RUNDC3B: variants seen among roughly 807,000 people sequenced by gnomAD.
The protein encoded by RUNDC3B is RUN domain-containing protein 3B.
A neutral mutation model predicts 58.4 loss-of-function variants in RUNDC3B; 33 were observed. The ratio of observed to expected loss-of-function variants is 0.56; its 90% CI spans 0.43 to 0.75. The LOEUF (loss-of-function observed/expected upper bound fraction) is 0.75. Ranked by LOEUF, RUNDC3B falls within the 30% of genes least tolerant of loss-of-function variation. The pLI is 0.00. For missense variants in RUNDC3B, 501 were observed against 535.7 expected (o/e 0.94, Z 0.64); for synonymous variants, 193 against 195.2 (o/e 0.99, Z 0.10).
intron 8 of RUNDC3B, among the ~76,000 whole-genome samples, chr7:87,781,392 G>A (rs965115673): frequency 9.2e-5 from 14 of 151,732 alleles, no homozygotes; most frequent in Admixed American, 3.9e-4. Context: ...GCTGGTGGCC[G>A]TCAAGGTTTT....
At chr7:87,688,114 C>G (rs1827652970) in intron 2 of RUNDC3B, among the ~76,000 whole-genome samples, 1 of 152,198 alleles carries the variant, frequency 6.6e-6, no homozygotes, top group Non-Finnish European at 1.5e-5. Flanking sequence ...AGAGGCCACT[C>G]TGAGAAACAC....
chr7:87,640,544 T>G (rs1356052528), intron 1 of RUNDC3B, among the ~76,000 whole-genome samples: 2 of 152,078 alleles, frequency 1.3e-5, no homozygotes, highest in Non-Finnish European at 2.9e-5. Context: ...AGGATCTGGC[T>G]ATGTTGCCCA....
chr7:87,703,794 TTTAC>T (rs1216800015), intron 3 of RUNDC3B, among the ~76,000 whole-genome samples: 1 of 149,004 alleles, frequency 6.7e-6, no homozygotes, highest in Non-Finnish European at 1.5e-5. Context: ...TTTTAATTCA[TTTAC>T]TTACTTTTTA....
At chr7:87,697,946 A>G (rs1585131265) in intron 2 of RUNDC3B, among the ~76,000 whole-genome samples, 1 of 152,168 alleles carries the variant, frequency 6.6e-6, no homozygotes, top group East Asian at 1.9e-4. Flanking sequence ...GATGACATGA[A>G]AAGTGCCCTA....
chr7:87,758,370 A>G (rs1353604671), intron 6 of RUNDC3B, among the ~76,000 whole-genome samples: 1 of 152,056 alleles, frequency 6.6e-6, no homozygotes, highest in Non-Finnish European at 1.5e-5. Flanking sequence ...AACACCTGGA[A>G]CTCTGAAAAT....
At chr7:87,752,973 G>T (rs1833114243) in intron 6 of RUNDC3B, among the ~76,000 whole-genome samples, 1 of 151,614 alleles carries the variant, frequency 6.6e-6, no homozygotes, top group Non-Finnish European at 1.5e-5. Context: ...ATGTTAGGGT[G>T]TCAATTTTGG....
At chr7:87,683,016 C>T (rs1012408324) in intron 2 of RUNDC3B, among the ~76,000 whole-genome samples, 2 of 152,228 alleles carry the variant, frequency 1.3e-5, no homozygotes, top group South Asian at 2.1e-4. Context: ...GTTAGCACAA[C>T]TTCTCCATCA....
intron 1 of RUNDC3B, among the ~76,000 whole-genome samples, chr7:87,637,570 T>A (rs966891510): frequency 1.3e-4 from 20 of 152,144 alleles, no homozygotes; most frequent in Admixed American, 9.8e-4. Flanking sequence ...TTTCTTTATA[T>A]GTTTAAATAT....
chr7:87,654,153 A>G (rs1043809852), intron 2 of RUNDC3B, among the ~76,000 whole-genome samples: 4 of 151,980 alleles, frequency 2.6e-5, no homozygotes, highest in Admixed American at 6.6e-5. Context: ...TATATTAACA[A>G]TCTACCCAAC....
At chr7:87,827,695 C>G (rs1311720834) in intron 10 of RUNDC3B, among the ~76,000 whole-genome samples, 1 of 152,094 alleles carries the variant, frequency 6.6e-6, no homozygotes, top group Non-Finnish European at 1.5e-5. Flanking sequence ...TGAAGACATA[C>G]TATTCTCAGT....
At chr7:87,781,727 G>A (rs900420613) in intron 8 of RUNDC3B, among the ~76,000 whole-genome samples, 9 of 151,900 alleles carry the variant, frequency 5.9e-5, no homozygotes, top group African/African-American at 1.9e-4. Context: ...CTTTTTCTAT[G>A]TCTATTGATA....
chr7:87,737,708 C>T (rs1363726969), intron 4 of RUNDC3B, among the ~76,000 whole-genome samples: 1 of 152,076 alleles, frequency 6.6e-6, no homozygotes, highest in Non-Finnish European at 1.5e-5. Context: ...AGCCCTTCCT[C>T]TTCCATTTTT....
intron 1 of RUNDC3B, 37 bp downstream of exon 1, chr7:87,628,982 C>A: frequency 7.7e-7 from 1 of 1,304,204 alleles, no homozygotes; most frequent in East Asian, 2.8e-5. Context: ...CAGCCTCCCG[C>A]CGGGGCTGAG....
At position 87,791,759 on chromosome 7, in the gene RUNDC3B, G is replaced by A. The variant is rs529440726; in HGVS notation, c.956+13804G>A. Among the ~76,000 whole-genome samples the A allele has an allele frequency of 5.3e-5, 8 of 151,964 alleles. No individual in the cohort carries two copies. In the South Asian group the frequency reaches 1.7e-3, roughly 32 times the overall value. ...TGCAAGAAATCAAACCATAACACCA[G>A]AGAAAATCACTTTCACAAAAAGGAA... On this transcript the variant is annotated intron_variant, in intron 8 of 10. Transcript: ENST00000394654.
At chr7:87,790,634 G>C (rs1022180015) in intron 8 of RUNDC3B, among the ~76,000 whole-genome samples, 1 of 152,018 alleles carries the variant, frequency 6.6e-6, no homozygotes, top group Non-Finnish European at 1.5e-5. Flanking sequence ...ATTTAACAAA[G>C]AGATTGAAAT....
intron 2 of RUNDC3B, among the ~76,000 whole-genome samples, chr7:87,654,361 A>G (rs934589723): frequency 6.6e-6 from 1 of 152,124 alleles, no homozygotes; most frequent in African/African-American, 2.4e-5. Context: ...TTAAAACAGG[A>G]TGTTACCAGC....
At position 87,713,663 on chromosome 7, in the gene RUNDC3B, A is replaced by G. The variant is rs191798316; in HGVS notation, c.458+3008A>G. 6.4e-3 allele frequency among the ~76,000 whole-genome samples: 974 copies of G among 151,726 alleles called. 13 individuals carry two copies. Among genetic ancestry groups the G allele is most frequent in the African/African-American group, 0.022 (913 of 41,430 alleles). The stretch of plus-strand genomic sequence containing the variant: ...ATCTAAGCTAAAAAAAAAAAAAAAA[A>G]AGAGAGAGACTTCTTTTGGTAGGTT... On this transcript the variant is annotated intron_variant, in intron 4 of 10. Transcript: ENST00000394654.
intron 6 of RUNDC3B, among the ~76,000 whole-genome samples, chr7:87,752,594 T>C (rs1251771143): frequency 6.6e-6 from 1 of 152,190 alleles, no homozygotes; most frequent in Non-Finnish European, 1.5e-5. Flanking sequence ...TCTTCCTGGT[T>C]TAGTCTTGGG....
rs961321637 is a variant in RUNDC3B at position 87,631,094 on chromosome 7, T to C, written c.122+2149T>C. 2.6e-5 allele frequency among the ~76,000 whole-genome samples: 4 copies of C among 152,232 alleles called. No individual in the cohort carries two copies. The East Asian group carries it at 7.7e-4, about 29-fold the overall frequency. On this transcript the variant is annotated intron_variant, in intron 1 of 10. Coordinates refer to ENST00000394654, the MANE Select transcript of RUNDC3B (RefSeq NM_001134405.2). ...TAAGTTGTGGTTTCTGCTCTGGATT[T>C]CATTTGTATTGTTATTTATATGGAT... is the stretch of plus-strand genomic sequence containing the variant.
Sources: allele counts gnomAD v4.1 joint callset (sites outside exome capture counted in the v4.1 genomes callset), GRCh38; gene constraint gnomAD v4.1.1; transcripts MANE v1.5; gene names NCBI Gene and HGNC (gene_info 2026-07-23, HGNC 2026-07-21).